Variants in EXOC6B observed in about 807,000 individuals in gnomAD.
EXOC6B encodes exocyst complex component 6B, also known as SEC15 homolog B.
Under a neutral mutation model 113.5 loss-of-function variants are expected in EXOC6B, and 54 were observed. The observed-to-expected ratio is 0.48, with a 90% confidence interval of 0.38 to 0.60. The LOEUF (loss-of-function observed/expected upper bound fraction) is 0.60, where lower values mean the gene tolerates loss of function less well. Ranked by LOEUF, EXOC6B falls within the 20% of genes least tolerant of loss-of-function variation. The pLI, the probability that EXOC6B is intolerant of heterozygous loss-of-function variation, is 0.00. For synonymous variants in EXOC6B, 357 were observed against 339.0 expected (o/e 1.05, Z -0.58); for missense variants, 797 against 977.5 (o/e 0.82, Z 2.46).
chr2:72,428,976 C>G (rs957439604), intron 18 of EXOC6B, among the ~76,000 whole-genome samples: 1 of 152,190 alleles, frequency 6.6e-6, no homozygotes, highest in Non-Finnish European at 1.5e-5. Context: ...GATGAAAGAT[C>G]AAATAGACCT....
At chr2:72,416,415 C>T (rs187452737) in intron 18 of EXOC6B, among the ~76,000 whole-genome samples, 1 of 152,296 alleles carries the variant, frequency 6.6e-6, no homozygotes, top group Non-Finnish European at 1.5e-5. Context: ...ACTAAAAAGA[C>T]TAGTTAGTTG....
At chr2:72,629,589 C>G (rs1457464469) in intron 6 of EXOC6B, among the ~76,000 whole-genome samples, 8 of 152,078 alleles carry the variant, frequency 5.3e-5, no homozygotes, top group Non-Finnish European at 1.0e-4. Context: ...CACAAAGGAC[C>G]CTACCACACA....
chr2:72,412,285 A>C (rs1694235103), intron 18 of EXOC6B, among the ~76,000 whole-genome samples: 1 of 152,240 alleles, frequency 6.6e-6, no homozygotes, highest in Admixed American at 6.5e-5. Flanking sequence ...AATTAGGTTT[A>C]ATTCATAAAT....
intron 19 of EXOC6B, among the ~76,000 whole-genome samples, chr2:72,373,564 T>C (rs603324): frequency 0.14 from 20,689 of 152,150 alleles, 1,731 homozygotes; most frequent in African/African-American, 0.24. Context: ...AAATACTTTA[T>C]AGGAAAAAAC....
At chr2:72,468,796 A>G (rs2105435755) in intron 17 of EXOC6B, among the ~76,000 whole-genome samples, 1 of 152,152 alleles carries the variant, frequency 6.6e-6, no homozygotes, top group East Asian at 1.9e-4. Context: ...TATTTCTTCA[A>G]TTTTTTCTTC....
chr2:72,549,963 G>A (rs1480653179), intron 8 of EXOC6B, among the ~76,000 whole-genome samples: 2 of 152,082 alleles, frequency 1.3e-5, no homozygotes, highest in Admixed American at 6.6e-5. Context: ...AAAAGGTCCA[G>A]GAAAATACAG....
chr2:72,812,071 A>T (rs183265353), intron 1 of EXOC6B, among the ~76,000 whole-genome samples: 1 of 152,328 alleles, frequency 6.6e-6, no homozygotes, highest in East Asian at 1.9e-4. Flanking sequence ...AGGCATAAAA[A>T]TTGGAAAATA....
At chr2:72,809,586 AT>A (rs1685763649) in intron 1 of EXOC6B, among the ~76,000 whole-genome samples, 1 of 152,200 alleles carries the variant, frequency 6.6e-6, no homozygotes, top group South Asian at 2.1e-4. Flanking sequence ...CATCAATAAA[AT>A]TTAAAACAAA....
intron 20 of EXOC6B, among the ~76,000 whole-genome samples, chr2:72,331,977 C>A (rs563210904): frequency 6.6e-6 from 1 of 152,078 alleles, no homozygotes; most frequent in Non-Finnish European, 1.5e-5. Flanking sequence ...AAATATTCCA[C>A]ATTTTGAATA....
At chr2:72,802,908 G>A (rs1456820346) in intron 1 of EXOC6B, among the ~76,000 whole-genome samples, 1 of 152,176 alleles carries the variant, frequency 6.6e-6, no homozygotes, top group Non-Finnish European at 1.5e-5. Context: ...TCTGAGGGTG[G>A]AGCCCAGCAA....
At chr2:72,579,307 G>T (rs183568928) in intron 6 of EXOC6B, among the ~76,000 whole-genome samples, 2 of 152,162 alleles carry the variant, frequency 1.3e-5, no homozygotes, top group South Asian at 2.1e-4. Context: ...AAACCTGTTG[G>T]GTATCCAGGT....
At chr2:72,358,370 C>A (rs941150513) in intron 19 of EXOC6B, among the ~76,000 whole-genome samples, 25 of 152,144 alleles carry the variant, frequency 1.6e-4, no homozygotes, top group Admixed American at 1.6e-3. Context: ...AAAGCCCAAG[C>A]AAGGTTTAAT....
chr2:72,621,503 A>C lies in EXOC6B; in HGVS notation c.670-45835T>G, dbSNP rs1200832152. Among the ~76,000 whole-genome samples the C allele has an allele frequency of 3.9e-5, 6 of 152,212 alleles. No homozygotes were observed. In the East Asian group the frequency reaches 1.2e-3, roughly 29 times the overall value. ...GGAAAAATAAACACTGTGGACTACT[A>C]TGGGGGAAATTAGGGAGGGGGATGT... On this transcript the variant is annotated intron_variant, in intron 6 of 21. Transcript: ENST00000272427.
intron 11 of EXOC6B, among the ~76,000 whole-genome samples, chr2:72,501,447 C>T (rs977615316): frequency 6.6e-6 from 1 of 152,120 alleles, no homozygotes; most frequent in South Asian, 2.1e-4. Flanking sequence ...TCATGTACAG[C>T]CTGCAGAACC....
chr2:72,497,693 T>C (rs1468063326), intron 13 of EXOC6B, among the ~76,000 whole-genome samples: 1 of 151,756 alleles, frequency 6.6e-6, no homozygotes, highest in Non-Finnish European at 1.5e-5. Flanking sequence ...AGAGTAAGAG[T>C]AAAGGACTAA....
Position 72,471,152 on chromosome 2 carries a change from C to T in EXOC6B, c.1801-5813G>A, listed in dbSNP as rs370779904. 2.0e-4 allele frequency among the ~76,000 whole-genome samples: 31 copies of T among 151,566 alleles called. No individual in the cohort carries two copies. The East Asian group carries it at 3.3e-3, about 16-fold the overall frequency. ...TGTTGTTTCCTGACTTTTTAATGAT[C>T]GCCATTCTAACTGGTGTGAGATGGT... is the stretch of plus-strand genomic sequence containing the variant. On this transcript the variant is annotated intron_variant, in intron 17 of 21. Transcript: ENST00000272427.
At chr2:72,621,152 A>G (rs916873298) in intron 6 of EXOC6B, among the ~76,000 whole-genome samples, 1 of 152,206 alleles carries the variant, frequency 6.6e-6, no homozygotes, top group Non-Finnish European at 1.5e-5. Context: ...ATTACTGGGT[A>G]TATGCCCAAA....
At chr2:72,444,964 T>G (rs1696474836) in intron 18 of EXOC6B, among the ~76,000 whole-genome samples, 1 of 152,230 alleles carries the variant, frequency 6.6e-6, no homozygotes. Flanking sequence ...CTTGAATTTC[T>G]TCTCAGAAAA....
At chr2:72,505,059 T>C (rs1700527127) in intron 11 of EXOC6B, among the ~76,000 whole-genome samples, 1 of 152,316 alleles carries the variant, frequency 6.6e-6, no homozygotes, top group East Asian at 1.9e-4. Flanking sequence ...TCCTACTCTT[T>C]TGTGAGGTTT....
Sources: gnomAD v4.1 joint callset for allele counts (sites outside exome capture counted in the v4.1 genomes callset) on GRCh38, gnomAD v4.1.1 for gene constraint, MANE v1.5 for transcripts, NCBI Gene and HGNC (gene_info 2026-07-23, HGNC 2026-07-21) for gene names.